Variants in SEMA4F observed in about 807,000 individuals in gnomAD.
SEMA4F encodes ssemaphorin 4F.
In SEMA4F, 51 loss-of-function variants were observed where a neutral mutation model predicts 78.4. The ratio of observed to expected loss-of-function variants is 0.65; its 90% CI spans 0.52 to 0.82. The LOEUF (loss-of-function observed/expected upper bound fraction) is 0.82. Ranked by LOEUF, SEMA4F falls within the 40% of genes least tolerant of loss-of-function variation. The pLI, the probability that SEMA4F is intolerant of heterozygous loss-of-function variation, is 0.00. For synonymous variants in SEMA4F, 418 were observed against 408.7 expected, an observed-to-expected ratio of 1.02 and a Z score of -0.27; for missense variants, 938 against 1,014.4, an observed-to-expected ratio of 0.92 and a Z score of 1.02.
At chr2:74,687,156 C>T (rs1453414157), downstream of SEMA4F, among the ~76,000 whole-genome samples, 1 of 152,140 alleles carries the variant, frequency 6.6e-6, no homozygotes, top group African/African-American at 2.4e-5. Flanking sequence ...TTTACTTTCC[C>T]CTCACTCAGG....
At chr2:74,705,290 T>C in the SEMA4F span, among the ~76,000 whole-genome samples, 1 of 152,204 alleles carries the variant, frequency 6.6e-6, no homozygotes. Context: ...TCCTAGCAAT[T>C]CCACTCTTAG....
At chr2:74,669,551 C>T (rs112586057) in intron 5 of SEMA4F, among the ~76,000 whole-genome samples, 3 of 152,154 alleles carry the variant, frequency 2.0e-5, no homozygotes, top group African/African-American at 7.2e-5. Flanking sequence ...CGCCACTGCA[C>T]TCCAGCCTGG....
chr2:74,662,918 G>A, intron 5 of SEMA4F, 93 bp downstream of exon 5: 2 of 1,109,176 alleles, frequency 1.8e-6, no homozygotes, highest in Non-Finnish European at 2.8e-6. Flanking sequence ...TCTTACCTTG[G>A]AATGTCTATT....
chr2:74,706,898 A>T, the SEMA4F span, among the ~76,000 whole-genome samples: 1 of 152,000 alleles, frequency 6.6e-6, no homozygotes, highest in Non-Finnish European at 1.5e-5. Flanking sequence ...AGACACCCTA[A>T]CTGCAGGGAT....
Position 74,681,988 on chromosome 2 carries a change from A to G in SEMA4F, c.*1779A>G, listed in dbSNP as rs561724098. ...CTCATCTGCGAAGTGGGGATAATAAAACCTACCTCAGGGTTGCTTCAAGGA... is the reference window on the plus strand; with the variant it reads ...CTCATCTGCGAAGTGGGGATAATAAGACCTACCTCAGGGTTGCTTCAAGGA... On this transcript the variant is annotated 3_prime_UTR_variant, in exon 14 of 14. Coordinates refer to ENST00000357877, the MANE Select transcript of SEMA4F (RefSeq NM_004263.5). 1 of 152,570 alleles carries G rather than the reference A, an allele frequency of 6.6e-6. No homozygotes were observed. The highest frequency in any genetic ancestry group is 6.5e-5 in the Admixed American group (1 of 15,280). The allele number at this position is 152,570 out of a possible 1,614,324, so 9.5% of individuals were successfully genotyped here.
At chr2:74,698,839 G>A in the SEMA4F span, among the ~76,000 whole-genome samples, 1 of 152,206 alleles carries the variant, frequency 6.6e-6, no homozygotes, top group Non-Finnish European at 1.5e-5. Context: ...CAGAGGGTCA[G>A]GGCCCCCAAC....
chr2:74,673,854 C>CT (rs777121678), intron 7 of SEMA4F, 26 bp downstream of exon 7: 28 of 1,603,364 alleles, frequency 1.7e-5, no homozygotes, highest in Non-Finnish European at 2.4e-5. Flanking sequence ...AGCTGTCTGT[C>CT]TGTCATCTCC....
chr2:74,698,095 C>G, the SEMA4F span, among the ~76,000 whole-genome samples: 8 of 152,200 alleles, frequency 5.3e-5, no homozygotes, highest in Admixed American at 5.2e-4. Context: ...GAAGTTTGGA[C>G]TCCAGATGGG....
intron 5 of SEMA4F, among the ~76,000 whole-genome samples, chr2:74,668,305 C>T (rs544291138): frequency 6.6e-6 from 1 of 152,258 alleles, no homozygotes; most frequent in Middle Eastern, 3.4e-3. Context: ...TGCATGCTGC[C>T]AGCATTTTGA....
Position 74,683,752 on chromosome 2 carries a change from C to G in SEMA4F, c.*3543C>G, listed in dbSNP as rs575826410. 1 of 152,118 alleles carries G rather than the reference C, an allele frequency of 6.6e-6. No homozygotes were observed. The highest frequency in any genetic ancestry group is 1.5e-5 in the Non-Finnish European group (1 of 68,024). 9.4% of individuals were successfully genotyped at this position (152,118 alleles called of 1,614,324 possible). A position where few individuals can be genotyped will look rare whatever the true frequency, so the allele number is the denominator to read the frequency against. Reference sequence around the variant, plus strand: ...TGTGGAATTCTTGGGAGAGGGATGACCACCCTGAAGATGGCTGAGATCAAA... The same window carrying G: ...TGTGGAATTCTTGGGAGAGGGATGAGCACCCTGAAGATGGCTGAGATCAAA... On this transcript the variant is annotated 3_prime_UTR_variant, in exon 14 of 14. Transcript: ENST00000357877.
chr2:74,673,613 TG>T, intron 6 of SEMA4F, 37 bp downstream of exon 6: 1 of 1,613,490 alleles, frequency 6.2e-7, no homozygotes, highest in Non-Finnish European at 8.5e-7. Context: ...GGGAGACCGA[TG>T]GGGTGGAGTC....
In SEMA4F at chr2:74,658,703, A is replaced by G. The variant is rs1345712843; in HGVS notation, c.456+752A>G. On this transcript the variant is annotated intron_variant, in intron 4 of 13. Transcript: ENST00000357877. The surrounding 1 kb of genome is among the most constrained non-coding windows in gnomAD (Gnocchi z 4.3). ...ATTCTCAGCTTTTCCCATCTGTTAC[A>G]CAGTAGTCAGCACTGGTCTTTTGGC... Among the ~76,000 whole-genome samples the G allele has an allele frequency of 6.6e-6, 1 of 152,176 alleles. No homozygotes were observed. Among genetic ancestry groups the G allele is most frequent in the Non-Finnish European group, 1.5e-5 (1 of 68,026 alleles).
At chr2:74,673,412 C>T in intron 5 of SEMA4F, 45 bp from the exon 6 acceptor site, 1 of 1,610,132 alleles carries the variant, frequency 6.2e-7, no homozygotes, top group Non-Finnish European at 8.5e-7. Flanking sequence ...TGTTGCTTCC[C>T]TCAGTGGGTC....
At chr2:74,689,266 A>G in the SEMA4F span, among the ~76,000 whole-genome samples, 82 of 152,310 alleles carry the variant, frequency 5.4e-4, no homozygotes, top group Admixed American at 2.6e-3. Flanking sequence ...TGTGTATATC[A>G]AATTTTACAT....
chr2:74,674,397 C>T, intron 7 of SEMA4F, 101 bp from the exon 8 acceptor site: 3 of 1,037,308 alleles, frequency 2.9e-6, no homozygotes, highest in Non-Finnish European at 4.3e-6. Context: ...CCCCATCTGT[C>T]TGTCTGCCCT....
intron 4 of SEMA4F, among the ~76,000 whole-genome samples, chr2:74,661,973 A>G (rs910927804): frequency 7.9e-5 from 12 of 152,134 alleles, no homozygotes; most frequent in Non-Finnish European, 5.9e-5. Flanking sequence ...TTTAGATGTT[A>G]TCTTGAAGCC....
Position 74,675,184 on chromosome 2 carries a change from T to C in SEMA4F, c.1172T>C (p.Leu391Pro). 2 of 1,614,156 alleles carry C rather than the reference T, an allele frequency of 1.2e-6. No individual in the cohort carries two copies. The highest frequency in any genetic ancestry group is 1.7e-6 in the Non-Finnish European group (2 of 1,180,032). ...PGECITNNMK[L>P]RHFGSSLSLP... ...TAGTGCATCACCAACAACATGAAGC[T>C]CCGGCACTTTGGCTCATCTCTCTCC... Residue 391 changes from leucine (L) to proline (P), a missense_variant, in exon 10 of 14, where the codon CTC becomes CCC. Leu to Pro is a moderately conservative substitution (Grantham distance 98). Transcript: ENST00000357877.
the SEMA4F span, among the ~76,000 whole-genome samples, chr2:74,695,889 A>G: frequency 1.7e-3 from 266 of 152,296 alleles, no homozygotes; most frequent in Middle Eastern, 6.8e-3. Flanking sequence ...GTGGTAATAC[A>G]ACACAGGGTG....
rs774521956 is a variant in SEMA4F, at chr2:74,654,402, G to T, written c.26G>T (p.Arg9Leu). 2.6e-6 allele frequency: 4 copies of T among 1,528,576 alleles called. No individual in the cohort carries two copies. In the African/African-American group the frequency reaches 4.3e-5, roughly 16 times the overall value. 94.7% of individuals were successfully genotyped at this position (1,528,576 alleles called of 1,614,324 possible). A position where few individuals can be genotyped will look rare whatever the true frequency, so the allele number is the denominator to read the frequency against. The part of the protein sequence containing the change: MPASAARP[R>L]PGPGQPTASP... The stretch of plus-strand genomic sequence containing the variant: ...ATGCCGGCCTCTGCTGCGCGGCCCC[G>T]CCCGGGTCCCGGGCAGCCTACAGCC... The change falls in exon 1 of 14, where the codon CGC becomes CTC. Residue 9 changes from arginine (R) to leucine (L), a missense_variant. Transcript: ENST00000357877.
Sources: gnomAD v4.1 joint callset for allele counts (sites outside exome capture counted in the v4.1 genomes callset) on GRCh38, gnomAD v4.1.1 for gene constraint, Gnocchi (gnomAD v3.1) non-coding constraint, MANE v1.5 for transcripts, NCBI Gene and HGNC (gene_info 2026-07-23, HGNC 2026-07-21) for gene names.